The following ABLIM1 variants were observed in gnomAD, a reference collection of about 807,000 sequenced individuals.
ABLIM1 encodes actin-binding LIM protein 1.
In ABLIM1, 40 loss-of-function variants were observed where a neutral mutation model predicts 107.0. The ratio of observed to expected loss-of-function variants is 0.37; its 90% CI spans 0.29 to 0.49. ABLIM1 has a LOEUF of 0.49. ABLIM1 is among the 20% of genes least tolerant of loss of function. The pLI, the probability that ABLIM1 is intolerant of heterozygous loss-of-function variation, is 0.97. For synonymous variants in ABLIM1, 357 were observed against 357.3 expected (o/e 1.00, Z 0.01); for missense variants, 857 against 1,008.5 (o/e 0.85, Z 2.04).
chr10:114,575,525 G>A lies in ABLIM1; in HGVS notation c.454C>T (p.Arg152Trp), dbSNP rs377618283. 1.4e-5 allele frequency: 23 copies of A among 1,614,062 alleles called. No individual in the cohort carries two copies. Among genetic ancestry groups the A allele is most frequent in the African/African-American group, 2.7e-5 (2 of 74,914 alleles). ...CCATGGCAGCGTGTCCCGTACATCC[G>A]CTGGTAGTCCAGGGTGCAGAGATAC... ...GEYLCTLDYQRMYGTRCHGCG... is the reference protein window; with the variant it reads ...GEYLCTLDYQWMYGTRCHGCG... Residue 152 changes from arginine to tryptophan, a missense_variant, in exon 3 of 23, where the codon CGG becomes TGG. By Grantham distance (101) the Arg-to-Trp change is moderately radical (BLOSUM62 -3). Transcript: ENST00000533213.
At chr10:114,695,297 T>C (rs2081171960) in intron 1 of ABLIM1, among the ~76,000 whole-genome samples, 2 of 152,214 alleles carry the variant, frequency 1.3e-5, no homozygotes, top group African/African-American at 2.4e-5. Flanking sequence ...CTAACATTTA[T>C]AGAGCCCTTA....
intron 6 of ABLIM1, among the ~76,000 whole-genome samples, chr10:114,517,803 G>A (rs779157524): frequency 2.0e-5 from 3 of 152,122 alleles, no homozygotes; most frequent in Non-Finnish European, 4.4e-5. Flanking sequence ...ACCTGTATGT[G>A]GTGCTGTGCT....
chr10:114,775,829 G>T, the ABLIM1 span: 2 of 152,124 alleles, frequency 1.3e-5, no homozygotes, highest in Admixed American at 6.6e-5. Context: ...AATCAGAAAA[G>T]AAGCATCTAA....
intron 1 of ABLIM1, among the ~76,000 whole-genome samples, chr10:114,723,130 T>C (rs975438338): frequency 1.3e-5 from 2 of 152,220 alleles, no homozygotes; most frequent in Non-Finnish European, 2.9e-5. Context: ...TACCAGAATG[T>C]GGATTTGCTT....
the ABLIM1 span, among the ~76,000 whole-genome samples, chr10:114,788,031 C>T: frequency 0.14 from 19,878 of 146,204 alleles, 1,720 homozygotes; most frequent in East Asian, 0.42. Flanking sequence ...TGACCTTACC[C>T]CCAACCCTGT....
Position 114,433,319 on chromosome 10 carries a change from A to C in ABLIM1, c.*2941T>G, listed in dbSNP as rs2059046244. On this transcript the variant is annotated 3_prime_UTR_variant, in exon 23 of 23. Coordinates refer to ENST00000533213, the MANE Select transcript of ABLIM1 (RefSeq NM_002313.7). ...AAGCATGCTGAGCCCAGTTTAACTA[A>C]ATGTGCAGGCATTCTAGCCCACACA... 1 of 152,182 alleles carries C rather than the reference A, an allele frequency of 6.6e-6. No individual in the cohort carries two copies. The allele number at this position is 152,182 out of a possible 1,614,324, so 9.4% of individuals were successfully genotyped here.
chr10:114,544,884 A>T, intron 6 of ABLIM1, 121 bp downstream of exon 6: 1 of 882,676 alleles, frequency 1.1e-6, no homozygotes, highest in Non-Finnish European at 1.9e-6. Context: ...ACCTGCGACT[A>T]CTTTCTTTCT....
chr10:114,494,623 TGTA>T (rs768347216), intron 6 of ABLIM1, among the ~76,000 whole-genome samples: 24 of 152,184 alleles, frequency 1.6e-4, no homozygotes, highest in Non-Finnish European at 3.2e-4. Flanking sequence ...CTGAATCACA[TGTA>T]GCCATTACAA....
chr10:114,461,490 T>A (rs1269810508), intron 12 of ABLIM1, among the ~76,000 whole-genome samples: 2 of 152,074 alleles, frequency 1.3e-5, no homozygotes, highest in East Asian at 3.8e-4. Flanking sequence ...AAATAAAAAT[T>A]TTCCCCCAAA....
rs912159200 is a variant in ABLIM1, at chr10:114,560,222, T to C, written c.673+11075A>G. Among the ~76,000 whole-genome samples the C allele has an allele frequency of 2.0e-5, 3 of 152,234 alleles. No individual in the cohort carries two copies. In the East Asian group the frequency reaches 5.8e-4, roughly 29 times the overall value. On this transcript the variant is annotated intron_variant, in intron 4 of 22. Transcript: ENST00000533213. The stretch of plus-strand genomic sequence containing the variant: ...ATGTTCATTGCAGAGCTATTCATAA[T>C]AGCCAAAGATGGAAATGACCTAAAT...
chr10:114,598,117 C>CA (rs750351470), intron 2 of ABLIM1, among the ~76,000 whole-genome samples: 2 of 151,640 alleles, frequency 1.3e-5, no homozygotes. Context: ...ACAAATAATA[C>CA]AAAAAAATTA....
At chr10:114,791,869 A>G in the ABLIM1 span, among the ~76,000 whole-genome samples, 2 of 152,236 alleles carry the variant, frequency 1.3e-5, no homozygotes, top group South Asian at 2.1e-4. Context: ...TTGACCTTTC[A>G]TTGCAGTATG....
At chr10:114,563,684 C>G (rs997676688) in intron 4 of ABLIM1, among the ~76,000 whole-genome samples, 1 of 149,992 alleles carries the variant, frequency 6.7e-6, no homozygotes, top group South Asian at 2.2e-4. Flanking sequence ...AAAATACACA[C>G]GCAAAAAAAA....
chr10:114,521,842 T>A (rs2063790708), intron 6 of ABLIM1, among the ~76,000 whole-genome samples: 1 of 152,148 alleles, frequency 6.6e-6, no homozygotes, highest in Non-Finnish European at 1.5e-5. Flanking sequence ...TAGACATGGA[T>A]ACAAGCAGAT....
chr10:114,465,753 G>A lies in ABLIM1; in HGVS notation c.1386C>T (p.Ser462=), dbSNP rs1297069221. Residue 462 remains serine (S), a synonymous_variant, in exon 12 of 23, where the codon AGC becomes AGT. Coordinates refer to ENST00000533213, the MANE Select transcript of ABLIM1 (RefSeq NM_002313.7). Reference sequence around the variant, plus strand: ...ACGTGGTTGGAGTGTAGCTGTGGCGGCTGTACACAGGGGAGTTGATGGAGC... The same window carrying A: ...ACGTGGTTGGAGTGTAGCTGTGGCGACTGTACACAGGGGAGTTGATGGAGC... ...SQGSINSPVY[S]RHSYTPTTSR... is the part of the protein sequence containing the mutation. 1 of 1,614,146 alleles carries A rather than the reference G, an allele frequency of 6.2e-7. No homozygotes were observed. The highest frequency in any genetic ancestry group is 1.1e-5 in the South Asian group (1 of 91,078).
At chr10:114,699,120 A>AG (rs2081257128) in intron 1 of ABLIM1, among the ~76,000 whole-genome samples, 2 of 149,842 alleles carry the variant, frequency 1.3e-5, no homozygotes, top group African/African-American at 4.9e-5. Flanking sequence ...AAAAAAAAAA[A>AG]GAATTGGAAT....
the ABLIM1 span, among the ~76,000 whole-genome samples, chr10:114,799,979 T>C: frequency 6.6e-6 from 1 of 152,218 alleles, no homozygotes; most frequent in Admixed American, 6.5e-5. Flanking sequence ...TTTGCCATTT[T>C]GCCCAGGCTG....
rs532634542 is a variant in ABLIM1, at chr10:114,708,427, T to G, written c.-213+59634A>C. 5.9e-5 allele frequency among the ~76,000 whole-genome samples: 9 copies of G among 152,214 alleles called. No homozygotes were observed. The East Asian group carries it at 1.7e-3, about 29-fold the overall frequency. ...CCTCCTCCCTGCTTGGCAAGGAGCA[T>G]GGAGGAAGGGACAGGGACCCTCCTT... On this transcript the variant is annotated intron_variant, in intron 1 of 15. Transcript: ENST00000651092.
At chr10:114,468,939 C>T (rs1009207194) in intron 10 of ABLIM1, among the ~76,000 whole-genome samples, 3 of 151,330 alleles carry the variant, frequency 2.0e-5, no homozygotes, top group East Asian at 3.9e-4. Context: ...GTAGTCCCAG[C>T]TACTTGGGAG....
Sources: gnomAD v4.1 joint callset for allele counts (sites outside exome capture counted in the v4.1 genomes callset) on GRCh38, gnomAD v4.1.1 for gene constraint, MANE v1.5 for transcripts, NCBI Gene and HGNC (gene_info 2026-07-23, HGNC 2026-07-21) for gene names.